The following CXADR variants were observed in gnomAD, a reference collection of about 807,000 sequenced individuals.
CXADR encodes CXADR cell adhesion molecule.
CXADR carries 20 observed loss-of-function variants against 40.3 expected under a neutral mutation model. That is an observed-to-expected ratio of 0.50 (90% CI 0.35 to 0.72). CXADR has a LOEUF of 0.72. CXADR is among the 30% of genes least tolerant of loss of function. The probability of loss-of-function intolerance (pLI) is 0.01; values close to 1 mark genes in which losing one functional copy is unlikely to be tolerated. For synonymous variants in CXADR, 150 were observed against 161.3 expected, an observed-to-expected ratio of 0.93 and a Z score of 0.53; for missense variants, 332 against 449.1, an observed-to-expected ratio of 0.74 and a Z score of 2.36.
chr21:17,627,846 G>A, the CXADR span, among the ~76,000 whole-genome samples: 5 of 152,086 alleles, frequency 3.3e-5, no homozygotes, highest in Admixed American at 6.5e-5. Context: ...GACCCAGATT[G>A]GTAAAAGTAT....
Position 17,513,076 on chromosome 21 carries a change from A to G in CXADR, c.-54A>G. 5.3e-6 allele frequency: 7 copies of G among 1,332,620 alleles called. No homozygotes were observed. The highest frequency in any genetic ancestry group is 1.5e-5 in the African/African-American group (1 of 64,914). 82.5% of individuals were successfully genotyped at this position (1,332,620 alleles called of 1,614,324 possible). A position where few individuals can be genotyped will look rare whatever the true frequency, so the allele number is the denominator to read the frequency against. On this transcript the variant is annotated 5_prime_UTR_variant, in exon 1 of 7. Coordinates refer to ENST00000284878, the MANE Select transcript of CXADR (RefSeq NM_001338.5). Reference sequence around the variant, plus strand: ...GCGCGCGAGGCGCGGGGAGCCTGGGACCAGGAGCGAGAGCCGCCTACCTGC... The same window carrying G: ...GCGCGCGAGGCGCGGGGAGCCTGGGGCCAGGAGCGAGAGCCGCCTACCTGC...
At position 17,567,808 on chromosome 21, in the gene CXADR, A is replaced by G. The variant is rs576482300; in HGVS notation, c.*2116A>G. On this transcript the variant is annotated 3_prime_UTR_variant, in exon 7 of 7. Coordinates refer to ENST00000284878, the MANE Select transcript of CXADR (RefSeq NM_001338.5). ...ACTTTCATATAATGAAAATTATCCT[A>G]TTGATCTAAGTAGAAGTTATCATAG... The G allele has an allele frequency of 7.4e-6, 7 of 948,664 alleles. No individual in the cohort carries two copies. Among genetic ancestry groups the G allele is most frequent in the East Asian group, 1.2e-4 (1 of 8,622 alleles). 58.8% of individuals were successfully genotyped at this position (948,664 alleles called of 1,614,324 possible).
the CXADR span, among the ~76,000 whole-genome samples, chr21:17,605,309 G>A: frequency 6.6e-6 from 1 of 152,082 alleles, no homozygotes; most frequent in African/African-American, 2.4e-5. Context: ...CGAAATTTTA[G>A]AACTCTGAAG....
chr21:17,629,865 T>C, the CXADR span, among the ~76,000 whole-genome samples: 6 of 151,904 alleles, frequency 3.9e-5, no homozygotes, highest in South Asian at 6.3e-4. Context: ...AAGTGGAGAG[T>C]GATAAACTCT....
chr21:17,574,188 T>C (rs75816130), downstream of CXADR, among the ~76,000 whole-genome samples: 115 of 152,294 alleles, frequency 7.6e-4, 2 homozygotes, highest in East Asian at 0.021. Flanking sequence ...TGTCCCCACT[T>C]CCCCTTCAAA....
Position 17,513,126 on chromosome 21 carries a change from C to T in CXADR, c.-4C>T, listed in dbSNP as rs1027696309. ...CAGCCGCCGCCCACGGCACGGCAGCCACCATGGCGCTCCTGCTGTGCTTCG... is the reference window on the plus strand; with the variant it reads ...CAGCCGCCGCCCACGGCACGGCAGCTACCATGGCGCTCCTGCTGTGCTTCG... On this transcript the variant is annotated 5_prime_UTR_variant, in exon 1 of 7. Transcript: ENST00000284878. 10 of 1,358,112 alleles carry T rather than the reference C, an allele frequency of 7.4e-6. No individual in the cohort carries two copies. In the African/African-American group the frequency reaches 1.5e-4, roughly 21 times the overall value. The allele number at this position is 1,358,112 out of a possible 1,614,324, so 84.1% of individuals were successfully genotyped here.
intron 7 of CXADR, among the ~76,000 whole-genome samples, chr21:17,575,577 G>A (rs187058789): frequency 0.011 from 1,660 of 149,794 alleles, 29 homozygotes; most frequent in African/African-American, 0.038. Flanking sequence ...TGCAAGCTCC[G>A]CCACCCGGGT....
Position 17,567,660 on chromosome 21 carries a change from G to A in CXADR, c.*1968G>A, listed in dbSNP as rs183989507. 4.5e-3 allele frequency: 4,429 copies of A among 980,380 alleles called. 15 individuals are homozygous for A. The highest frequency in any genetic ancestry group is 6.0e-3 in the Admixed American group (98 of 16,262). The allele number at this position is 980,380 out of a possible 1,614,324, so 60.7% of individuals were successfully genotyped here. ...CTATGTTTCTGATTTTATAACAGTA[G>A]CCATTTTTGAAAGTCAGATGTTTGG... On this transcript the variant is annotated 3_prime_UTR_variant, in exon 7 of 7. Coordinates refer to ENST00000284878, the MANE Select transcript of CXADR (RefSeq NM_001338.5).
chr21:17,588,054 C>T (rs1473419982), intron 7 of CXADR, among the ~76,000 whole-genome samples: 14 of 151,950 alleles, frequency 9.2e-5, no homozygotes, highest in East Asian at 1.9e-4. Context: ...AGATATGTGG[C>T]GTTATTTCTG....
rs28626162 is a variant in CXADR at position 17,513,657 on chromosome 21, G to T, written c.43+485G>T. On this transcript the variant is annotated intron_variant, in intron 1 of 6. Transcript: ENST00000284878. Reference sequence around the variant, plus strand: ...GCCATTATTCAATGGACATGGAGCTGCCCGGTGCCTCGGATCGGCCAGGCT... The same window carrying T: ...GCCATTATTCAATGGACATGGAGCTTCCCGGTGCCTCGGATCGGCCAGGCT... 8.8e-3 allele frequency among the ~76,000 whole-genome samples: 1,338 copies of T among 152,354 alleles called. 17 individuals carry two copies. Among genetic ancestry groups the T allele is most frequent in the African/African-American group, 0.031 (1,285 of 41,586 alleles).
At chr21:17,574,238 G>C (rs1409914333), downstream of CXADR, among the ~76,000 whole-genome samples, 2 of 152,136 alleles carry the variant, frequency 1.3e-5, no homozygotes, top group Non-Finnish European at 2.9e-5. Flanking sequence ...GATAATTTTT[G>C]AATAGGTCAT....
chr21:17,611,483 C>T, the CXADR span, among the ~76,000 whole-genome samples: 268 of 152,146 alleles, frequency 1.8e-3, 4 homozygotes, highest in Non-Finnish European at 2.3e-3. Context: ...TTTTGTTTTC[C>T]CCGTTTGAAG....
At chr21:17,565,378 GT>G in intron 6 of CXADR, 49 bp from the exon 7 acceptor site, 2 of 1,581,516 alleles carry the variant, frequency 1.3e-6, no homozygotes, top group African/African-American at 1.4e-5. Context: ...ATAATTGTAG[GT>G]TTTTAGAAAC....
intron 1 of CXADR, among the ~76,000 whole-genome samples, 189 bp downstream of exon 1, chr21:17,513,361 C>A (rs2060416173): frequency 6.6e-6 from 1 of 151,994 alleles, no homozygotes; most frequent in Non-Finnish European, 1.5e-5. Flanking sequence ...GGAGCCGTCC[C>A]GTAGGGAGCC....
At chr21:17,577,044 A>G (rs1184435165) in intron 7 of CXADR, 1 of 152,214 alleles carries the variant, frequency 6.6e-6, no homozygotes, top group Non-Finnish European at 1.5e-5. Flanking sequence ...GATATACACC[A>G]GTACTGCTAT....
rs2061239490 is a variant in CXADR at position 17,568,293 on chromosome 21, TAA to T, written c.*2602_*2603del. On this transcript the variant is annotated 3_prime_UTR_variant, in exon 7 of 7. Coordinates refer to ENST00000284878, the MANE Select transcript of CXADR (RefSeq NM_001338.5). Reference sequence around the variant, plus strand: ...ACAGGCTCCCATCACCACGCTCGGCTAAGTTTTTGTAATTTTAGTAGAGACAG... The same window carrying T: ...ACAGGCTCCCATCACCACGCTCGGCTGTTTTTGTAATTTTAGTAGAGACAG... 1 of 790,848 alleles carries T rather than the reference TAA, an allele frequency of 1.3e-6. No homozygotes were observed. Among genetic ancestry groups the T allele is most frequent in the Non-Finnish European group, 1.5e-6 (1 of 653,162 alleles). The allele number at this position is 790,848 out of a possible 1,614,324, so 49.0% of individuals were successfully genotyped here.
the CXADR span, among the ~76,000 whole-genome samples, chr21:17,633,509 C>G: frequency 2.0e-5 from 3 of 152,140 alleles, no homozygotes; most frequent in Admixed American, 6.5e-5. Context: ...GAGCTGTGAT[C>G]GTGCCACTGC....
downstream of CXADR, among the ~76,000 whole-genome samples, chr21:17,598,270 C>A (rs1754841797): frequency 6.6e-6 from 1 of 151,718 alleles, no homozygotes. Context: ...AAAGTTAAAC[C>A]CAAAGGTACA....
chr21:17,587,630 A>G (rs565456302), intron 7 of CXADR, among the ~76,000 whole-genome samples: 1 of 152,150 alleles, frequency 6.6e-6, no homozygotes, highest in South Asian at 2.1e-4. Flanking sequence ...TAGATTCTGG[A>G]TATTAGCCCT....
Sources: gnomAD v4.1 joint callset for allele counts (sites outside exome capture counted in the v4.1 genomes callset) on GRCh38, gnomAD v4.1.1 for gene constraint, MANE v1.5 for transcripts, NCBI Gene and HGNC (gene_info 2026-07-23, HGNC 2026-07-21) for gene names.